The following UNC13C variants were observed in gnomAD, a reference collection of about 807,000 sequenced individuals.
UNC13C encodes protein unc-13 homolog C.
UNC13C carries 174 observed loss-of-function variants against 245.4 expected under a neutral mutation model. The ratio of observed to expected loss-of-function variants is 0.71; its 90% CI spans 0.63 to 0.80. UNC13C has a LOEUF of 0.80. UNC13C is among the 30% of genes least tolerant of loss of function. The pLI is 0.00. For missense variants in UNC13C, 2,829 were observed against 2,602.9 expected (o/e 1.09, Z -1.89); for synonymous variants, 992 against 895.1 (o/e 1.11, Z -1.93).
chr15:54,461,210 C>T (rs1891827485), intron 19 of UNC13C, among the ~76,000 whole-genome samples: 1 of 152,012 alleles, frequency 6.6e-6, no homozygotes, highest in South Asian at 2.1e-4. Context: ...CATCCCAAAT[C>T]CAAATATTCA....
At chr15:54,075,165 A>G (rs1238377667) in intron 2 of UNC13C, among the ~76,000 whole-genome samples, 1 of 152,146 alleles carries the variant, frequency 6.6e-6, no homozygotes, top group Non-Finnish European at 1.5e-5. Flanking sequence ...AGTTGGTGCC[A>G]ATGTAATTGC....
chr15:54,405,097 A>C (rs1306595757), intron 18 of UNC13C, among the ~76,000 whole-genome samples: 1 of 152,146 alleles, frequency 6.6e-6, no homozygotes, highest in Admixed American at 6.5e-5. Context: ...TTGAGTACTC[A>C]CTATGTGCCA....
chr15:54,449,124 G>T (rs1006057074), intron 19 of UNC13C, among the ~76,000 whole-genome samples: 1 of 152,172 alleles, frequency 6.6e-6, no homozygotes, highest in African/African-American at 2.4e-5. Context: ...CTGGCTTGTG[G>T]AGTTTCTGCC....
intron 24 of UNC13C, among the ~76,000 whole-genome samples, chr15:54,512,726 G>A (rs138825068): frequency 1.0e-3 from 153 of 152,188 alleles, no homozygotes; most frequent in African/African-American, 3.4e-3. Flanking sequence ...GTTCCTTCCC[G>A]TGGGAAAGTT....
intron 4 of UNC13C, among the ~76,000 whole-genome samples, chr15:54,174,396 A>G (rs1255582981): frequency 6.6e-6 from 1 of 152,096 alleles, no homozygotes; most frequent in Non-Finnish European, 1.5e-5. Flanking sequence ...TTGCGTGATC[A>G]ACTTTCATTT....
At position 54,379,776 on chromosome 15, in the gene UNC13C, C is replaced by T. The variant is rs142278554; in HGVS notation, c.4714-13272C>T. Among the ~76,000 whole-genome samples the T allele has an allele frequency of 2.8e-3, 429 of 152,234 alleles. 1 individual carries two copies. Among genetic ancestry groups the T allele is most frequent in the African/African-American group, 9.5e-3 (394 of 41,538 alleles). ...ATTGGCCCCAATTCCATTCCACATA[C>T]GTTTCTTTTACATTCTCTGTATAAG... On this transcript the variant is annotated intron_variant, in intron 17 of 32. Coordinates refer to ENST00000260323, the MANE Select transcript of UNC13C (RefSeq NM_001080534.3).
intron 26 of UNC13C, among the ~76,000 whole-genome samples, chr15:54,546,013 A>G (rs1896467535): frequency 6.6e-6 from 1 of 152,202 alleles, no homozygotes; most frequent in African/African-American, 2.4e-5. Flanking sequence ...GTAAAGACAC[A>G]TGCACACATA....
the UNC13C span, among the ~76,000 whole-genome samples, chr15:53,844,197 T>C: frequency 2.0e-5 from 3 of 152,176 alleles, no homozygotes; most frequent in Non-Finnish European, 2.9e-5. Context: ...TAAGCATGTT[T>C]GTTGCAAATC....
intron 2 of UNC13C, among the ~76,000 whole-genome samples, chr15:54,032,202 G>T (rs543135172): frequency 6.6e-6 from 1 of 152,214 alleles, no homozygotes; most frequent in South Asian, 2.1e-4. Flanking sequence ...TGATTCAATT[G>T]GTAGCTTTGC....
chr15:54,573,495 T>C (rs1389307884), intron 30 of UNC13C, among the ~76,000 whole-genome samples: 1 of 152,228 alleles, frequency 6.6e-6, no homozygotes, highest in Admixed American at 6.5e-5. Context: ...AAGAGTCACA[T>C]GTTTATTATT....
chr15:53,859,494 T>A, the UNC13C span, among the ~76,000 whole-genome samples: 1 of 152,190 alleles, frequency 6.6e-6, no homozygotes, highest in South Asian at 2.1e-4. Context: ...CTTTGCATTG[T>A]TTTTGCAAAA....
chr15:53,868,043 C>T, the UNC13C span, among the ~76,000 whole-genome samples: 1 of 152,136 alleles, frequency 6.6e-6, no homozygotes, highest in Non-Finnish European at 1.5e-5. Flanking sequence ...CTATGTTGCC[C>T]AGACTGGTCT....
the UNC13C span, among the ~76,000 whole-genome samples, chr15:53,850,736 A>G: frequency 1.3e-5 from 2 of 152,068 alleles, no homozygotes; most frequent in African/African-American, 4.8e-5. Flanking sequence ...TCAAATTTGG[A>G]TAAATATTGT....
In UNC13C at chr15:54,484,373, C is replaced by T. The variant is rs147176030; in HGVS notation, c.4934-10235C>T. Among the ~76,000 whole-genome samples, 462 of 152,238 alleles carry T rather than the reference C, an allele frequency of 3.0e-3. 11 individuals are homozygous for T. The highest frequency in any genetic ancestry group is 0.027 in the Admixed American group (418 of 15,288). ...TCATAATTTTCTGTGTTCACTTATG[C>T]GTTTTCAGTGTAAAATTGAGACATG... On this transcript the variant is annotated intron_variant, in intron 19 of 32. Transcript: ENST00000260323.
At chr15:54,164,325 A>T (rs1232019072) in intron 4 of UNC13C, among the ~76,000 whole-genome samples, 1 of 152,188 alleles carries the variant, frequency 6.6e-6, no homozygotes, top group African/African-American at 2.4e-5. Context: ...TGTAGTAGCT[A>T]TGTAGACATA....
chr15:54,360,047 A>C (rs1269566493), intron 17 of UNC13C, among the ~76,000 whole-genome samples: 2 of 151,752 alleles, frequency 1.3e-5, no homozygotes, highest in African/African-American at 4.8e-5. Flanking sequence ...GAATTATCTA[A>C]TTTCTTCATT....
chr15:54,487,977 C>A (rs1893509473), intron 19 of UNC13C, among the ~76,000 whole-genome samples: 1 of 151,758 alleles, frequency 6.6e-6, no homozygotes, highest in African/African-American at 2.4e-5. Context: ...CTATAGCTTA[C>A]TTTTGGCAGC....
chr15:54,275,037 A>G (rs186978937), intron 10 of UNC13C, among the ~76,000 whole-genome samples: 26 of 152,278 alleles, frequency 1.7e-4, no homozygotes, highest in African/African-American at 6.0e-4. Context: ...CAAATGGGGG[A>G]AAACAGAAAG....
chr15:54,503,428 C>G (rs1303173805), intron 22 of UNC13C, among the ~76,000 whole-genome samples: 1 of 118,518 alleles, frequency 8.4e-6, no homozygotes. Context: ...CCATTATCAG[C>G]CTTTCCTTTT....
Sources: gnomAD v4.1 joint callset for allele counts (sites outside exome capture counted in the v4.1 genomes callset) on GRCh38, gnomAD v4.1.1 for gene constraint, MANE v1.5 for transcripts, NCBI Gene and HGNC (gene_info 2026-07-23, HGNC 2026-07-21) for gene names.